LRBA: variants seen among roughly 807,000 people sequenced by gnomAD.
LRBA encodes the protein LPS responsive beige-like anchor protein.
Under a neutral mutation model 330.0 loss-of-function variants are expected in LRBA, and 176 were observed. The ratio of observed to expected loss-of-function variants is 0.53; its 90% CI spans 0.47 to 0.60. LRBA has a LOEUF of 0.60. LRBA is among the 20% of genes least tolerant of loss of function. The pLI is 0.00. For missense variants in LRBA, 3,259 were observed against 3,444.8 expected (o/e 0.95, Z 1.35); for synonymous variants, 1,230 against 1,193.0 (o/e 1.03, Z -0.64).
intron 40 of LRBA, among the ~76,000 whole-genome samples, chr4:150,494,999 CAA>C (rs1011632988): frequency 9.6e-5 from 12 of 124,396 alleles, no homozygotes; most frequent in Non-Finnish European, 5.2e-5. Context: ...GACTCTGTCT[CAA>C]AAAAAAAAAA....
At chr4:150,458,952 G>GTC (rs1323452169) in intron 44 of LRBA, among the ~76,000 whole-genome samples, 1 of 151,956 alleles carries the variant, frequency 6.6e-6, no homozygotes, top group East Asian at 1.9e-4. Flanking sequence ...ATGAGACACT[G>GTC]AAGAGCTGAC....
At chr4:150,571,649 GTTTTTTTTTTTTTT>G (rs58652637) in intron 40 of LRBA, among the ~76,000 whole-genome samples, 1 of 74,592 alleles carries the variant, frequency 1.3e-5, no homozygotes, top group Non-Finnish European at 2.5e-5. Flanking sequence ...CTGGTTAGTT[GTTTTTTTTTTTTTT>G]TTTTTTTTTT....
At chr4:150,864,479 T>C (rs1444885303) in intron 22 of LRBA, among the ~76,000 whole-genome samples, 2 of 152,104 alleles carry the variant, frequency 1.3e-5, no homozygotes, top group Non-Finnish European at 2.9e-5. Context: ...TCTTTAAAGT[T>C]TGGCTTCATA....
chr4:150,685,971 G>A (rs1783590754), intron 36 of LRBA, among the ~76,000 whole-genome samples: 1 of 152,146 alleles, frequency 6.6e-6, no homozygotes, highest in Admixed American at 6.6e-5. Context: ...AATGCAGAAT[G>A]AGTATAGAAA....
At chr4:150,665,708 T>C (rs993827828) in intron 37 of LRBA, among the ~76,000 whole-genome samples, 1 of 152,216 alleles carries the variant, frequency 6.6e-6, no homozygotes, top group South Asian at 2.1e-4. Flanking sequence ...GATTCATCCA[T>C]GTTGTTATAT....
At chr4:150,355,993 G>T (rs1737791394) in intron 47 of LRBA, among the ~76,000 whole-genome samples, 3 of 151,994 alleles carry the variant, frequency 2.0e-5, no homozygotes. Flanking sequence ...ATGTTTGCAT[G>T]TGTTGGATTT....
chr4:150,675,542 C>A (rs1481702271), intron 37 of LRBA, among the ~76,000 whole-genome samples: 2 of 149,546 alleles, frequency 1.3e-5, no homozygotes, highest in Non-Finnish European at 2.9e-5. Context: ...CATGGTGAAA[C>A]CCCGTCTCTA....
intron 34 of LRBA, among the ~76,000 whole-genome samples, chr4:150,783,557 T>C (rs779793355): frequency 1.3e-5 from 2 of 152,232 alleles, no homozygotes; most frequent in African/African-American, 2.4e-5. Flanking sequence ...AAATGCCTAA[T>C]TATAATCTGA....
At chr4:151,001,566 C>T (rs1167549690) in intron 2 of LRBA, among the ~76,000 whole-genome samples, 1 of 152,150 alleles carries the variant, frequency 6.6e-6, no homozygotes, top group Non-Finnish European at 1.5e-5. Context: ...GCTACCACCA[C>T]AGCTGGCATC....
At chr4:150,952,129 T>C (rs575408107) in intron 2 of LRBA, among the ~76,000 whole-genome samples, 6 of 152,204 alleles carry the variant, frequency 3.9e-5, no homozygotes, top group Non-Finnish European at 5.9e-5. Flanking sequence ...TCACCAAATT[T>C]CCTAAACACC....
At chr4:150,477,798 A>G (rs1406977247) in intron 42 of LRBA, among the ~76,000 whole-genome samples, 1 of 151,930 alleles carries the variant, frequency 6.6e-6, no homozygotes. Context: ...GCCATATAAG[A>G]TATGTCTGCT....
chr4:150,770,885 A>G (rs997447848), intron 34 of LRBA, among the ~76,000 whole-genome samples: 1 of 152,170 alleles, frequency 6.6e-6, no homozygotes, highest in Non-Finnish European at 1.5e-5. Context: ...TGGTAATACT[A>G]AGATATGCAC....
chr4:150,483,788 C>G (rs138740428), intron 42 of LRBA, among the ~76,000 whole-genome samples: 2,032 of 152,104 alleles, frequency 0.013, 30 homozygotes, highest in Middle Eastern at 0.058. Flanking sequence ...GTACAATTCT[C>G]CATTTTTAAG....
At position 150,414,884 on chromosome 4, in the gene LRBA, C is replaced by G. The variant is rs569824436; in HGVS notation, c.7194+554G>C. ...AAAAGGAAAAGTCATATTAGTGTCT[C>G]GAAAATAATACTGAACCCAGATAAT... On this transcript the variant is annotated intron_variant, in intron 47 of 56. Transcript: ENST00000651943. Among the ~76,000 whole-genome samples, 4 of 152,196 alleles carry G rather than the reference C, an allele frequency of 2.6e-5. No individual in the cohort carries two copies. In the East Asian group the frequency reaches 7.7e-4, roughly 29 times the overall value.
At chr4:150,894,310 C>A (rs904780865) in intron 16 of LRBA, among the ~76,000 whole-genome samples, 4 of 151,956 alleles carry the variant, frequency 2.6e-5, no homozygotes, top group African/African-American at 7.3e-5. Flanking sequence ...AAATGATAAC[C>A]GGATCATTTT....
chr4:150,506,344 C>A (rs1761082002), intron 40 of LRBA, among the ~76,000 whole-genome samples: 2 of 152,284 alleles, frequency 1.3e-5, no homozygotes. Flanking sequence ...TACTGGCAAA[C>A]CAAATCCAGC....
intron 53 of LRBA, among the ~76,000 whole-genome samples, chr4:150,286,890 G>A (rs567207957): frequency 3.3e-5 from 5 of 152,286 alleles, no homozygotes; most frequent in South Asian, 2.1e-4. Context: ...GGATGGGTTC[G>A]TGCCAAGCCA....
At chr4:150,684,256 T>C (rs1783319755) in intron 36 of LRBA, among the ~76,000 whole-genome samples, 1 of 152,180 alleles carries the variant, frequency 6.6e-6, no homozygotes, top group East Asian at 1.9e-4. Context: ...GAAGTGAAGT[T>C]GGCAGTTATG....
chr4:150,598,184 C>A (rs143698107), intron 38 of LRBA, among the ~76,000 whole-genome samples: 1 of 152,204 alleles, frequency 6.6e-6, no homozygotes, highest in Non-Finnish European at 1.5e-5. Context: ...AAAAGTACTT[C>A]TGACTTTATT....
Sources: gnomAD v4.1 joint callset for allele counts (sites outside exome capture counted in the v4.1 genomes callset) on GRCh38, gnomAD v4.1.1 for gene constraint, MANE v1.5 for transcripts, NCBI Gene and HGNC (gene_info 2026-07-23, HGNC 2026-07-21) for gene names.